The following SH3YL1 variants were observed in gnomAD, a reference collection of about 807,000 sequenced individuals.
SH3YL1 encodes the protein SH3 domain-containing YSC84-like protein 1.
A neutral mutation model predicts 45.8 loss-of-function variants in SH3YL1; 41 were observed. The observed-to-expected ratio is 0.89, with a 90% CI of 0.70 to 1.16. SH3YL1 has a LOEUF of 1.16. Ranked by LOEUF, SH3YL1 falls within the 50% of genes most tolerant of loss-of-function variation. SH3YL1 has a pLI of 0.00. For missense variants in SH3YL1, 389 were observed against 409.6 expected (o/e 0.95, Z 0.43); for synonymous variants, 152 against 151.4 (o/e 1.00, Z -0.03).
At chr2:255,602 A>G (rs944136009) in intron 1 of SH3YL1, among the ~76,000 whole-genome samples, 6 of 152,200 alleles carry the variant, frequency 3.9e-5, no homozygotes, top group African/African-American at 1.4e-4. Context: ...GCCTCAAAAT[A>G]AAATAAAATT....
intron 4 of SH3YL1, among the ~76,000 whole-genome samples, chr2:244,239 T>G (rs7568630): frequency 0.91 from 138,747 of 151,986 alleles, 63,454 homozygotes; most frequent in African/African-American, 0.97. Flanking sequence ...GCTCACGCCT[T>G]TAATCCCAGC....
intron 1 of SH3YL1, among the ~76,000 whole-genome samples, chr2:257,227 T>G (rs1355469047): frequency 6.6e-6 from 1 of 152,196 alleles, no homozygotes; most frequent in Non-Finnish European, 1.5e-5. Context: ...CAGAAGCTCT[T>G]TAGTTTAAGT....
At chr2:260,562 C>T (rs571718429) in intron 1 of SH3YL1, 1 of 152,284 alleles carries the variant, frequency 6.6e-6, no homozygotes, top group South Asian at 2.1e-4. Flanking sequence ...ATTTTTGTCT[C>T]CACAAGGGGA....
At chr2:253,967 T>C (rs1669194579) in intron 1 of SH3YL1, among the ~76,000 whole-genome samples, 1 of 152,194 alleles carries the variant, frequency 6.6e-6, no homozygotes, top group South Asian at 2.1e-4. Context: ...TCAGAAATTA[T>C]AAAATCCTTG....
At chr2:226,018 T>A (rs1667771335) in intron 8 of SH3YL1, among the ~76,000 whole-genome samples, 1 of 152,104 alleles carries the variant, frequency 6.6e-6, no homozygotes, top group Admixed American at 6.6e-5. Flanking sequence ...GAATTGTATA[T>A]TGGGGAGGAG....
At chr2:241,021 T>C (rs1668520469) in intron 4 of SH3YL1, 1 of 151,968 alleles carries the variant, frequency 6.6e-6, no homozygotes, top group Non-Finnish European at 1.5e-5. Flanking sequence ...GACCCATACA[T>C]AGAAAAAAAA....
At chr2:263,038 G>A (rs1307763025) in intron 1 of SH3YL1, among the ~76,000 whole-genome samples, 1 of 152,060 alleles carries the variant, frequency 6.6e-6, no homozygotes, top group Non-Finnish European at 1.5e-5. Context: ...TTAATAACAG[G>A]CCAGCCCACG....
Position 230,062 on chromosome 2 carries a change from A to G in SH3YL1, c.703-18T>C, listed in dbSNP as rs1203915123. 6.4e-7 allele frequency: 1 copy of G among 1,560,982 alleles called. No individual in the cohort carries two copies. Among genetic ancestry groups the G allele is most frequent in the Non-Finnish European group, 8.7e-7 (1 of 1,146,302 alleles). On this transcript the variant is annotated intron_variant, in intron 7 of 9. Coordinates refer to ENST00000356150, the MANE Select transcript of SH3YL1 (RefSeq NM_015677.4). ...TCTTTAGCCTGGGAGAAACAAAAAG[A>G]TAAATACACATAATTTTAAAATCTT...
Position 251,502 on chromosome 2 carries a change from G to A in SH3YL1, c.112+1503C>T, listed in dbSNP as rs1179891802. Among the ~76,000 whole-genome samples the A allele has an allele frequency of 2.0e-5, 3 of 152,192 alleles. No individual in the cohort carries two copies. The East Asian group carries it at 5.8e-4, about 29-fold the overall frequency. ...TCTTACTTAGACTAACATGCAAACAGAATTTCTTTTTCTGAGCTTCACCCA... is the reference window on the plus strand; with the variant it reads ...TCTTACTTAGACTAACATGCAAACAAAATTTCTTTTTCTGAGCTTCACCCA... On this transcript the variant is annotated intron_variant, in intron 2 of 9. Transcript: ENST00000356150.
chr2:242,338 T>C, intron 4 of SH3YL1, among the ~76,000 whole-genome samples: 1 of 152,088 alleles, frequency 6.6e-6, no homozygotes, highest in Admixed American at 6.5e-5. Flanking sequence ...TTGCTGAGTG[T>C]GTATCATATA....
chr2:234,959 C>A (rs1236977985), intron 4 of SH3YL1, among the ~76,000 whole-genome samples: 1 of 152,180 alleles, frequency 6.6e-6, no homozygotes, highest in Non-Finnish European at 1.5e-5. Flanking sequence ...CTCACTGCAA[C>A]CTCCGCCTCC....
chr2:257,378 A>C (rs1669387646), intron 1 of SH3YL1, among the ~76,000 whole-genome samples: 1 of 152,230 alleles, frequency 6.6e-6, no homozygotes, highest in Admixed American at 6.5e-5. Flanking sequence ...TTACATTGTT[A>C]AAACAGGCTA....
chr2:221,631 C>G (rs931932667), intron 9 of SH3YL1, among the ~76,000 whole-genome samples: 1 of 152,126 alleles, frequency 6.6e-6, no homozygotes, highest in African/African-American at 2.4e-5. Context: ...TCTGAGGGGG[C>G]CGGGATCTCA....
intron 9 of SH3YL1, among the ~76,000 whole-genome samples, chr2:223,405 G>A (rs1667659821): frequency 2.0e-5 from 3 of 152,098 alleles, no homozygotes; most frequent in Non-Finnish European, 4.4e-5. Flanking sequence ...TCTCTCTGTA[G>A]GGATCCCCTC....
intron 8 of SH3YL1, among the ~76,000 whole-genome samples, chr2:226,469 C>A (rs1046037280): frequency 1.3e-5 from 2 of 152,188 alleles, no homozygotes; most frequent in African/African-American, 4.8e-5. Context: ...GGAATAAATA[C>A]AATCCAATTA....
chr2:230,152 G>T, intron 7 of SH3YL1, 108 bp from the exon 8 acceptor site: 2 of 721,328 alleles, frequency 2.8e-6, no homozygotes, highest in Non-Finnish European at 4.6e-6. Context: ...TATCATGTGT[G>T]CTTATTAATG....
intron 9 of SH3YL1, among the ~76,000 whole-genome samples, chr2:223,590 T>C (rs1237389221): frequency 6.6e-6 from 1 of 152,238 alleles, no homozygotes; most frequent in Non-Finnish European, 1.5e-5. Flanking sequence ...TAACCACTTT[T>C]GCTTCTACAG....
chr2:242,752 T>A (rs1224683632), intron 4 of SH3YL1: 1 of 1,465,110 alleles, frequency 6.8e-7, no homozygotes. Context: ...AACAACAACA[T>A]CCAATTATAT....
intron 9 of SH3YL1, among the ~76,000 whole-genome samples, chr2:220,835 C>T (rs762168481): frequency 4.6e-5 from 7 of 152,176 alleles, no homozygotes; most frequent in African/African-American, 1.7e-4. Context: ...CTCCCAGACA[C>T]GTTAGATAAT....
Sources: allele counts gnomAD v4.1 joint callset (sites outside exome capture counted in the v4.1 genomes callset), GRCh38; gene constraint gnomAD v4.1.1; transcripts MANE v1.5; gene names NCBI Gene and HGNC (gene_info 2026-07-23, HGNC 2026-07-21).